The following PRORP variants were observed in gnomAD, a reference collection of about 807,000 sequenced individuals.
PRORP encodes the protein mitochondrial ribonuclease P catalytic subunit.
In PRORP, 51 loss-of-function variants were observed where a neutral mutation model predicts 59.4. The observed-to-expected ratio is 0.86, with a 90% CI of 0.69 to 1.08. The LOEUF (loss-of-function observed/expected upper bound fraction) is 1.08. Among genes scored for constraint, PRORP ranks in the 50% least tolerant of loss-of-function variants. The pLI is 0.00. For missense variants in PRORP, 646 were observed against 690.3 expected (o/e 0.94, Z 0.72); for synonymous variants, 231 against 245.6 (o/e 0.94, Z 0.55).
At chr14:35,142,126 G>A (rs1289713640) in intron 4 of PRORP, among the ~76,000 whole-genome samples, 1 of 143,882 alleles carries the variant, frequency 7.0e-6, no homozygotes, top group Non-Finnish European at 1.5e-5. Flanking sequence ...TGATCCATCC[G>A]CCTCGGCCTC....
At chr14:35,260,112 A>G (rs994426930) in intron 5 of PRORP, among the ~76,000 whole-genome samples, 27 of 149,460 alleles carry the variant, frequency 1.8e-4, no homozygotes, top group African/African-American at 6.6e-4. Flanking sequence ...ACTGGGCCCA[A>G]GGGATCCTCC....
At chr14:35,237,555 T>C (rs1240991686) in intron 5 of PRORP, among the ~76,000 whole-genome samples, 2 of 152,210 alleles carry the variant, frequency 1.3e-5, no homozygotes, top group African/African-American at 2.4e-5. Flanking sequence ...AAAATGACCA[T>C]GTAACTTAAA....
rs553646658 is a variant in PRORP at position 35,229,504 on chromosome 14, C to T, written c.1276-37223C>T. On this transcript the variant is annotated intron_variant, in intron 5 of 7. Transcript: ENST00000534898. ...AAGGTAAAGGTCCAGTTTCATTCTC[C>T]TGCTATGACTGGCCAGCTATCCCGG... Among the ~76,000 whole-genome samples the T allele has an allele frequency of 2.6e-5, 4 of 152,262 alleles. No homozygotes were observed. The South Asian group carries it at 8.3e-4, about 32-fold the overall frequency.
chr14:35,169,516 A>G (rs1217719646), intron 4 of PRORP, among the ~76,000 whole-genome samples: 1 of 152,156 alleles, frequency 6.6e-6, no homozygotes, highest in Non-Finnish European at 1.5e-5. Flanking sequence ...ACTTACAATG[A>G]TGGCAGAAGG....
intron 5 of PRORP, among the ~76,000 whole-genome samples, chr14:35,219,664 T>G (rs1468510006): frequency 1.3e-5 from 2 of 152,350 alleles, no homozygotes; most frequent in South Asian, 2.1e-4. Context: ...TGGTTAGAGA[T>G]AGGCTGGTAC....
At chr14:35,172,309 A>T (rs1183514909) in intron 4 of PRORP, among the ~76,000 whole-genome samples, 3 of 151,934 alleles carry the variant, frequency 2.0e-5, no homozygotes, top group Non-Finnish European at 4.4e-5. Flanking sequence ...TCAGGCTCCC[A>T]AAGTACTGGG....
chr14:35,179,277 A>C (rs983026892), intron 4 of PRORP, among the ~76,000 whole-genome samples: 11 of 152,136 alleles, frequency 7.2e-5, no homozygotes, highest in Non-Finnish European at 1.6e-4. Context: ...CCTGAATTTG[A>C]ATGGTGGCCT....
chr14:35,197,408 A>G (rs904091262), intron 5 of PRORP, among the ~76,000 whole-genome samples: 3 of 152,236 alleles, frequency 2.0e-5, no homozygotes, highest in Admixed American at 1.3e-4. Flanking sequence ...TAAACTGTTT[A>G]TAAAGCTATA....
intron 5 of PRORP, among the ~76,000 whole-genome samples, chr14:35,234,113 T>C (rs1375112639): frequency 6.6e-6 from 1 of 152,224 alleles, no homozygotes; most frequent in African/African-American, 2.4e-5. Flanking sequence ...CATCTTTCAA[T>C]GAAATGTGTG....
chr14:35,262,203 G>A (rs1320045075), intron 5 of PRORP, among the ~76,000 whole-genome samples: 1 of 151,452 alleles, frequency 6.6e-6, no homozygotes, highest in African/African-American at 2.4e-5. Flanking sequence ...TTAGAGATGG[G>A]GTCTTGCTGT....
chr14:35,210,017 TAAA>T (rs1193641701), intron 5 of PRORP, among the ~76,000 whole-genome samples: 1 of 152,118 alleles, frequency 6.6e-6, no homozygotes. Flanking sequence ...CTTATCAAAA[TAAA>T]AAACACATGC....
chr14:35,256,291 CAA>C (rs199957765), intron 5 of PRORP, among the ~76,000 whole-genome samples: 1 of 81,848 alleles, frequency 1.2e-5, no homozygotes, highest in Non-Finnish European at 2.1e-5. Flanking sequence ...CTCAAAATCT[CAA>C]AAAAAAAAAA....
Position 35,123,466 on chromosome 14 carries a change from G to A in PRORP, c.221G>A (p.Ser74Asn), listed in dbSNP as rs746603857. ...AGATATCTCAGGAAAGATGAGGGCAGTAATAAGCAAGTTTATTCTGTTCCT... is the reference window on the plus strand; with the variant it reads ...AGATATCTCAGGAAAGATGAGGGCAATAATAAGCAAGTTTATTCTGTTCCT... ...KARYLRKDEGSNKQVYSVPHF... is the reference protein window; with the variant it reads ...KARYLRKDEGNNKQVYSVPHF... Residue 74 changes from serine to asparagine, a missense_variant, in exon 2 of 8, where the codon AGT (serine) becomes AAT (asparagine). By Grantham distance (46) the Ser-to-Asn change is conservative (BLOSUM62 1). Coordinates refer to ENST00000534898, the MANE Select transcript of PRORP (RefSeq NM_014672.4). The A allele has an allele frequency of 4.3e-6, 7 of 1,614,084 alleles. 1 individual carries two copies. In the South Asian group the frequency reaches 4.4e-5, roughly 10 times the overall value.
chr14:35,271,359 A>C (rs1317168396), intron 7 of PRORP, among the ~76,000 whole-genome samples: 3 of 151,512 alleles, frequency 2.0e-5, no homozygotes, highest in Non-Finnish European at 4.4e-5. Flanking sequence ...GGGTTTCACC[A>C]TGTTGGTCAG....
At chr14:35,223,701 C>T (rs906074231) in intron 5 of PRORP, among the ~76,000 whole-genome samples, 4 of 152,038 alleles carry the variant, frequency 2.6e-5, no homozygotes, top group South Asian at 2.1e-4. Context: ...CCTCGTGATC[C>T]GCCTGCCTCA....
At chr14:35,187,428 GTT>G (rs34808330) in intron 5 of PRORP, among the ~76,000 whole-genome samples, 4 of 138,954 alleles carry the variant, frequency 2.9e-5, no homozygotes, top group Non-Finnish European at 3.1e-5. Flanking sequence ...TAGTTTCTTT[GTT>G]TTTTTTTTTT....
intron 4 of PRORP, among the ~76,000 whole-genome samples, chr14:35,175,666 AAAATTTTCT>A (rs1024631372): frequency 7.2e-5 from 11 of 151,778 alleles, no homozygotes; most frequent in African/African-American, 2.7e-4. Flanking sequence ...GTAGATAGCA[AAAATTTTCT>A]CCCATTCTGT....
At chr14:35,193,180 C>G (rs1172281451) in intron 5 of PRORP, among the ~76,000 whole-genome samples, 1 of 152,112 alleles carries the variant, frequency 6.6e-6, no homozygotes, top group African/African-American at 2.4e-5. Context: ...AAAAGCACAT[C>G]ATTTTAGTTA....
intron 5 of PRORP, chr14:35,263,081 C>A: frequency 7.7e-7 from 1 of 1,296,692 alleles, no homozygotes; most frequent in Non-Finnish European, 1.1e-6. Flanking sequence ...CCGGATGATT[C>A]CTAAGACCTA....
Sources: gnomAD v4.1 joint callset for allele counts (sites outside exome capture counted in the v4.1 genomes callset) on GRCh38, gnomAD v4.1.1 for gene constraint, MANE v1.5 for transcripts, NCBI Gene and HGNC (gene_info 2026-07-23, HGNC 2026-07-21) for gene names.